Variants in UBASH3A observed in about 807,000 individuals in gnomAD.
UBASH3A encodes the protein ubiquitin associated and SH3 domain containing A, also known as ubiquitin-associated and SH3 domain-containing protein A.
Under a neutral mutation model 73.5 loss-of-function variants are expected in UBASH3A, and 63 were observed. That is an observed-to-expected ratio of 0.86 (90% CI 0.70 to 1.06). The LOEUF is 1.06. Among genes scored for constraint, UBASH3A ranks in the 50% least tolerant of loss-of-function variants. UBASH3A has a pLI of 0.00. For synonymous variants in UBASH3A, 363 were observed against 351.1 expected (o/e 1.03, Z -0.38); for missense variants, 860 against 859.0 (o/e 1.00, Z -0.02).
intron 7 of UBASH3A, among the ~76,000 whole-genome samples, chr21:42,424,114 G>A (rs1483867248): frequency 1.3e-5 from 2 of 152,082 alleles, no homozygotes; most frequent in African/African-American, 2.4e-5. Flanking sequence ...GCTGACCCAC[G>A]GACTGACAGA....
chr21:42,427,136 C>G (rs2146554478), intron 8 of UBASH3A, among the ~76,000 whole-genome samples: 1 of 152,308 alleles, frequency 6.6e-6, no homozygotes, highest in East Asian at 1.9e-4. Context: ...AAGACGTCAC[C>G]TGCCCCGGTG....
At chr21:42,440,162 C>T (rs1258911514) in intron 11 of UBASH3A, among the ~76,000 whole-genome samples, 1 of 152,202 alleles carries the variant, frequency 6.6e-6, no homozygotes, top group Non-Finnish European at 1.5e-5. Context: ...TCCGCCTCTC[C>T]CTGTTCCCAT....
At chr21:42,409,356 T>C in intron 2 of UBASH3A, 66 bp from the exon 3 acceptor site, 1 of 1,463,766 alleles carries the variant, frequency 6.8e-7, no homozygotes, top group South Asian at 1.4e-5. Flanking sequence ...TTCTGTTGTG[T>C]ATCCTCAAAG....
intron 14 of UBASH3A, among the ~76,000 whole-genome samples, chr21:42,446,052 C>T (rs1388617993): frequency 6.6e-6 from 1 of 152,166 alleles, no homozygotes; most frequent in Non-Finnish European, 1.5e-5. Context: ...CCAGGCGCTC[C>T]TGGGGGCCCA....
chr21:42,446,050 T>A (rs2053838626), intron 14 of UBASH3A, among the ~76,000 whole-genome samples: 1 of 152,064 alleles, frequency 6.6e-6, no homozygotes, highest in African/African-American at 2.4e-5. Flanking sequence ...CCCCAGGCGC[T>A]CCTGGGGGCC....
intron 5 of UBASH3A, among the ~76,000 whole-genome samples, chr21:42,414,411 C>T (rs1026085432): frequency 6.6e-6 from 1 of 152,188 alleles, no homozygotes; most frequent in South Asian, 2.1e-4. Flanking sequence ...CCCCAGTGAA[C>T]CTCATTGGCA....
At chr21:42,443,126 T>C (rs1378901890) in intron 12 of UBASH3A, 186 bp from the exon 13 acceptor site, 3 of 1,399,000 alleles carry the variant, frequency 2.1e-6, no homozygotes, top group South Asian at 3.3e-5. Context: ...GAATGTGTGC[T>C]GGAGATTGAC....
In UBASH3A at chr21:42,442,479, T is replaced by C. The variant is rs776406694; in HGVS notation, c.1514T>C (p.Ile505Thr). The change falls in exon 12 of 15, where the codon ATA (isoleucine) becomes ACA (threonine). Residue 505 changes from isoleucine to threonine, a missense_variant. Ile to Thr is a moderately conservative substitution (Grantham distance 89, BLOSUM62 -1). Transcript: ENST00000319294. Reference sequence around the variant, plus strand: ...CTCAAACTGGAGAAAAAAATCAAGATACGAGTGGAACCTGGAATCTTTGAA... The same window carrying C: ...CTCAAACTGGAGAAAAAAATCAAGACACGAGTGGAACCTGGAATCTTTGAA... ...EELKLEKKIK[I>T]RVEPGIFEWT... 1.7e-5 allele frequency: 28 copies of C among 1,613,962 alleles called. No individual in the cohort carries two copies. The highest frequency in any genetic ancestry group is 3.3e-5 in the Admixed American group (2 of 59,976).
intron 8 of UBASH3A, among the ~76,000 whole-genome samples, chr21:42,431,195 G>A (rs949714672): frequency 6.6e-6 from 1 of 152,180 alleles, no homozygotes; most frequent in Non-Finnish European, 1.5e-5. Flanking sequence ...GATCAGCCCT[G>A]CACAGCATGG....
At chr21:42,407,379 C>T (rs937232129) in intron 2 of UBASH3A, among the ~76,000 whole-genome samples, 13 of 152,154 alleles carry the variant, frequency 8.5e-5, no homozygotes, top group African/African-American at 2.9e-4. Context: ...GTGTAGGCCA[C>T]GGGCAAAATG....
At chr21:42,435,012 C>A in intron 10 of UBASH3A, 58 bp downstream of exon 10, 1 of 1,594,576 alleles carries the variant, frequency 6.3e-7, no homozygotes, top group Non-Finnish European at 8.6e-7. Context: ...CTGATTATGG[C>A]TAGCAGGCAT....
chr21:42,441,634 C>A (rs1225325184), intron 11 of UBASH3A, among the ~76,000 whole-genome samples: 1 of 58,750 alleles, frequency 1.7e-5, no homozygotes. Flanking sequence ...GACTCGGGGG[C>A]CTGGTTGATG....
At chr21:42,416,709 G>A in intron 6 of UBASH3A, 98 bp downstream of exon 6, 3 of 1,176,354 alleles carry the variant, frequency 2.6e-6, no homozygotes, top group Middle Eastern at 2.2e-4. Context: ...CCGAGGCGGC[G>A]GATCATGAGG....
rs979097629 is a variant in UBASH3A, at chr21:42,406,206, A to AC, written c.114-96dup. The stretch of plus-strand genomic sequence containing the variant: ...TTCAGCATCAGGCCCTCTTCAGAGC[A>AC]CCCCCCAAAGATCCTGGGTGTGCAA... On this transcript the variant is annotated intron_variant, in intron 1 of 14. Transcript: ENST00000319294. 8 of 929,972 alleles carry AC rather than the reference A, an allele frequency of 8.6e-6. No homozygotes were observed. The East Asian group carries it at 1.2e-4, about 14-fold the overall frequency. 57.6% of individuals were successfully genotyped at this position (929,972 alleles called of 1,614,324 possible).
rs74688501 is a variant in UBASH3A at position 42,431,464 on chromosome 21, G to A, written c.1171-639G>A. ...CCCTGGCTCGAAGCTGCTGGCCACC[G>A]CCAAGGCCAGTCTCATGCCGAGAAG... On this transcript the variant is annotated intron_variant, in intron 8 of 14. Coordinates refer to ENST00000319294, the MANE Select transcript of UBASH3A (RefSeq NM_018961.4). 5.3e-5 allele frequency among the ~76,000 whole-genome samples: 8 copies of A among 152,352 alleles called. No individual in the cohort carries two copies. In the East Asian group the frequency reaches 1.3e-3, roughly 26 times the overall value.
intron 7 of UBASH3A, among the ~76,000 whole-genome samples, 170 bp from the exon 8 acceptor site, chr21:42,426,527 C>T (rs1303350070): frequency 1.3e-5 from 2 of 152,268 alleles, no homozygotes; most frequent in East Asian, 1.9e-4. Flanking sequence ...ATCATCCACA[C>T]TTCCTGAGTC....
intron 8 of UBASH3A, among the ~76,000 whole-genome samples, chr21:42,427,192 G>A (rs2053451955): frequency 6.6e-6 from 1 of 152,192 alleles, no homozygotes; most frequent in Admixed American, 6.5e-5. Context: ...TAACCTGGGG[G>A]TCAGCAGACT....
At position 42,409,474 on chromosome 21, in the gene UBASH3A, T is replaced by G. The variant is rs1477578000; in HGVS notation, c.220T>G (p.Tyr74Asp). ...CCTAGACGACCCCATCCCCCAGGAG[T>G]ATGCCCTTTTCCTCTGTCCAACGGG... is the stretch of plus-strand genomic sequence containing the variant. ...PSLDDPIPQE[Y>D]ALFLCPTGPL... The change falls in exon 3 of 15, where the codon TAT becomes GAT. Residue 74 changes from tyrosine to aspartate, a missense_variant. Physicochemically the swap from Tyr to Asp is radical, Grantham distance 160 (BLOSUM62 -3). Transcript: ENST00000319294. 1 of 1,613,772 alleles carries G rather than the reference T, an allele frequency of 6.2e-7. No individual in the cohort carries two copies. Among genetic ancestry groups the G allele is most frequent in the Non-Finnish European group, 8.5e-7 (1 of 1,179,894 alleles).
At position 42,409,371 on chromosome 21, in the gene UBASH3A, A is replaced by C. The variant is rs766891806; in HGVS notation, c.168-51A>C. 2.0e-6 allele frequency: 3 copies of C among 1,498,346 alleles called. No individual in the cohort carries two copies. The East Asian group carries it at 6.9e-5, about 35-fold the overall frequency. 92.8% of individuals were successfully genotyped at this position (1,498,346 alleles called of 1,614,324 possible). A position where few individuals can be genotyped will look rare whatever the true frequency, so the allele number is the denominator to read the frequency against. ...TTCTGTTGTGTATCCTCAAAGGGGA[A>C]AACTCTTTTTGTTGTGACAGTGGGT... On this transcript the variant is annotated intron_variant, in intron 2 of 14. Coordinates refer to ENST00000319294, the MANE Select transcript of UBASH3A (RefSeq NM_018961.4).
Sources: gnomAD v4.1 joint callset for allele counts (sites outside exome capture counted in the v4.1 genomes callset) on GRCh38, gnomAD v4.1.1 for gene constraint, MANE v1.5 for transcripts, NCBI Gene and HGNC (gene_info 2026-07-23, HGNC 2026-07-21) for gene names.